Variants in FNDC3B observed in about 807,000 individuals in gnomAD.
FNDC3B encodes fibronectin type III domain containing 3B.
In FNDC3B, 12 loss-of-function variants were observed where a neutral mutation model predicts 151.5. The observed-to-expected ratio is 0.08, with a 90% CI of 0.05 to 0.13. The LOEUF (loss-of-function observed/expected upper bound fraction) is 0.13, where lower values mean the gene tolerates loss of function less well. FNDC3B is among the 10% of genes least tolerant of loss of function. The pLI, the probability that FNDC3B is intolerant of heterozygous loss-of-function variation, is 1.00. For missense variants in FNDC3B, 1,214 were observed against 1,505.3 expected (o/e 0.81, Z 3.20); for synonymous variants, 528 against 549.0 (o/e 0.96, Z 0.54).
chr3:172,321,276 G>A (rs1023792206), intron 11 of FNDC3B, among the ~76,000 whole-genome samples: 1 of 152,140 alleles, frequency 6.6e-6, no homozygotes, highest in African/African-American at 2.4e-5. Flanking sequence ...TCTAAGTTTG[G>A]GATAGCATTA....
At chr3:172,269,633 T>C (rs1729095608) in intron 6 of FNDC3B, among the ~76,000 whole-genome samples, 1 of 145,284 alleles carries the variant, frequency 6.9e-6, no homozygotes, top group Non-Finnish European at 1.5e-5. Context: ...TTTTTGTTTG[T>C]TGTTTTGTTT....
chr3:172,179,858 CAAAAAAAAAAAAAAA>C (rs60259015), intron 3 of FNDC3B, among the ~76,000 whole-genome samples: 1 of 97,786 alleles, frequency 1.0e-5, no homozygotes, highest in African/African-American at 4.0e-5. Flanking sequence ...GCCCTGTCTC[CAAAAAAAAAAAAAAA>C]AAAAAAAAAA....
intron 2 of FNDC3B, among the ~76,000 whole-genome samples, chr3:172,118,253 C>T (rs1030161359): frequency 6.6e-6 from 1 of 152,224 alleles, no homozygotes; most frequent in African/African-American, 2.4e-5. Context: ...AATCCAGTGA[C>T]CTTTTCTGTT....
chr3:172,197,738 A>G (rs944339121), intron 3 of FNDC3B, among the ~76,000 whole-genome samples: 3 of 152,212 alleles, frequency 2.0e-5, no homozygotes, highest in Non-Finnish European at 2.9e-5. Flanking sequence ...TATCCTCATG[A>G]TTAGATCCAG....
intron 25 of FNDC3B, among the ~76,000 whole-genome samples, chr3:172,394,889 A>G (rs969614592): frequency 6.6e-6 from 1 of 152,202 alleles, no homozygotes; most frequent in African/African-American, 2.4e-5. Context: ...AGGATCATCC[A>G]CCATGATCAA....
intron 24 of FNDC3B, among the ~76,000 whole-genome samples, chr3:172,380,477 G>A (rs1336271634): frequency 2.6e-5 from 4 of 152,084 alleles, no homozygotes; most frequent in African/African-American, 7.2e-5. Flanking sequence ...CCTCACCCAG[G>A]TATGCTCTTT....
At chr3:172,300,314 C>T (rs1027862620) in intron 9 of FNDC3B, among the ~76,000 whole-genome samples, 4 of 152,168 alleles carry the variant, frequency 2.6e-5, no homozygotes, top group Non-Finnish European at 2.9e-5. Flanking sequence ...CTTTCTGCTC[C>T]GTGCTTTAAC....
At chr3:172,282,147 C>T (rs1175012381) in intron 6 of FNDC3B, among the ~76,000 whole-genome samples, 1 of 152,138 alleles carries the variant, frequency 6.6e-6, no homozygotes, top group Non-Finnish European at 1.5e-5. Context: ...TGTTAGCTTT[C>T]GTACAAGAGT....
chr3:172,121,811 C>T (rs1282042461), intron 2 of FNDC3B, among the ~76,000 whole-genome samples: 1 of 152,178 alleles, frequency 6.6e-6, no homozygotes, highest in Non-Finnish European at 1.5e-5. Context: ...AGAGGATCCT[C>T]CTGCCATGGC....
intron 4 of FNDC3B, among the ~76,000 whole-genome samples, chr3:172,239,346 T>C (rs2108758666): frequency 6.6e-6 from 1 of 152,334 alleles, no homozygotes; most frequent in East Asian, 1.9e-4. Flanking sequence ...CTCACTTTTA[T>C]CTGAGACATC....
rs1245813996 is a variant in FNDC3B, at chr3:172,286,065, G to T, written c.849+81G>T. On this transcript the variant is annotated intron_variant, in intron 7 of 25. Coordinates refer to ENST00000415807, the MANE Select transcript of FNDC3B (RefSeq NM_022763.4). Reference sequence around the variant, plus strand: ...GCTTTTTTTTTTTTTCCACCACACAGTAGGTAAGGAAAAGGGCTCTTTCCC... The same window carrying T: ...GCTTTTTTTTTTTTTCCACCACACATTAGGTAAGGAAAAGGGCTCTTTCCC... 3 of 1,015,410 alleles carry T rather than the reference G, an allele frequency of 3.0e-6. No individual in the cohort carries two copies. The East Asian group carries it at 7.3e-5, about 25-fold the overall frequency. 62.9% of individuals were successfully genotyped at this position (1,015,410 alleles called of 1,614,324 possible). A position where few individuals can be genotyped will look rare whatever the true frequency, so the allele number is the denominator to read the frequency against.
intron 3 of FNDC3B, among the ~76,000 whole-genome samples, chr3:172,174,781 A>C (rs537034284): frequency 1.1e-4 from 17 of 152,266 alleles, no homozygotes; most frequent in Admixed American, 9.2e-4. Context: ...GTTGTGGGTG[A>C]ATAGCCTCTT....
At chr3:172,080,543 G>A (rs566333431) in intron 1 of FNDC3B, among the ~76,000 whole-genome samples, 18 of 152,126 alleles carry the variant, frequency 1.2e-4, no homozygotes, top group Non-Finnish European at 2.1e-4. Context: ...CTCCCAAAGT[G>A]TTGGGATTAC....
intron 1 of FNDC3B, among the ~76,000 whole-genome samples, chr3:172,097,323 A>T (rs1206791295): frequency 6.6e-6 from 1 of 152,224 alleles, no homozygotes; most frequent in Non-Finnish European, 1.5e-5. Flanking sequence ...AAATGTTACC[A>T]AATCTATTAC....
At chr3:172,102,079 CTA>C (rs1301504508) in intron 1 of FNDC3B, among the ~76,000 whole-genome samples, 3 of 152,076 alleles carry the variant, frequency 2.0e-5, no homozygotes, top group Admixed American at 6.5e-5. Flanking sequence ...ACTCACTAAC[CTA>C]TATATAAATT....
chr3:172,064,012 G>A (rs766327680), intron 1 of FNDC3B, among the ~76,000 whole-genome samples: 2 of 152,170 alleles, frequency 1.3e-5, no homozygotes, highest in African/African-American at 4.8e-5. Flanking sequence ...GTGTGGTGGT[G>A]CGAATCTATA....
chr3:172,214,945 A>G (rs931427270), intron 3 of FNDC3B, among the ~76,000 whole-genome samples: 1 of 152,262 alleles, frequency 6.6e-6, no homozygotes, highest in Non-Finnish European at 1.5e-5. Flanking sequence ...AATAATTGAA[A>G]TCCCTGAAAT....
intron 3 of FNDC3B, among the ~76,000 whole-genome samples, chr3:172,168,719 C>CTTTTTTT (rs775314296): frequency 7.5e-6 from 1 of 133,194 alleles, no homozygotes; most frequent in African/African-American, 2.9e-5. Flanking sequence ...TTTTCTTTTA[C>CTTTTTTT]TTTTTTTTTT....
chr3:172,155,247 T>A (rs753473082), intron 3 of FNDC3B, among the ~76,000 whole-genome samples: 3 of 152,228 alleles, frequency 2.0e-5, no homozygotes, highest in Non-Finnish European at 2.9e-5. Context: ...TAAGCTTCAG[T>A]AAGTCCCTCT....
Sources: gnomAD v4.1 joint callset for allele counts (sites outside exome capture counted in the v4.1 genomes callset) on GRCh38, gnomAD v4.1.1 for gene constraint, MANE v1.5 for transcripts, NCBI Gene and HGNC (gene_info 2026-07-23, HGNC 2026-07-21) for gene names.